Variants in BARD1 observed in about 807,000 individuals in gnomAD.
BARD1 encodes the protein BRCA1 associated RING domain 1.
Under a neutral mutation model 77.0 loss-of-function variants are expected in BARD1, and 73 were observed. The ratio of observed to expected loss-of-function variants is 0.95; its 90% CI spans 0.79 to 1.15. The LOEUF is 1.15. Ranked by LOEUF, BARD1 falls within the 50% of genes most tolerant of loss-of-function variation. BARD1 has a pLI of 0.00. For missense variants in BARD1, 993 were observed against 938.8 expected, an observed-to-expected ratio of 1.06 and a Z score of -0.75; for synonymous variants, 384 against 338.0, an observed-to-expected ratio of 1.14 and a Z score of -1.49.
At chr2:214,779,437 T>C (rs1410947332) in intron 4 of BARD1, among the ~76,000 whole-genome samples, 1 of 152,202 alleles carries the variant, frequency 6.6e-6, no homozygotes. Flanking sequence ...TTCTCCCAAA[T>C]ATTTTTGATT....
At chr2:214,760,918 G>A (rs1476882891) in intron 6 of BARD1, among the ~76,000 whole-genome samples, 2 of 151,366 alleles carry the variant, frequency 1.3e-5, no homozygotes, top group Non-Finnish European at 2.9e-5. Context: ...GGGACTACAG[G>A]CGCCCACCAC....
chr2:214,784,214 G>A (rs1193523655), intron 3 of BARD1, among the ~76,000 whole-genome samples: 7 of 151,970 alleles, frequency 4.6e-5, no homozygotes, highest in Non-Finnish European at 1.0e-4. Context: ...TCAAAAAGTG[G>A]GCGAAGGATA....
At chr2:214,783,274 GT>G (rs1428985424) in intron 3 of BARD1, among the ~76,000 whole-genome samples, 1 of 152,116 alleles carries the variant, frequency 6.6e-6, no homozygotes, top group East Asian at 1.9e-4. Context: ...ACTGTAGTAA[GT>G]TTAAGGAATT....
chr2:214,761,914 T>C (rs1335593164), intron 6 of BARD1, among the ~76,000 whole-genome samples: 1 of 152,204 alleles, frequency 6.6e-6, no homozygotes, highest in Admixed American at 6.5e-5. Context: ...TAGAAGTTAA[T>C]AAATGATAAT....
chr2:214,799,481 G>A (rs1292211130), intron 1 of BARD1, among the ~76,000 whole-genome samples: 1 of 152,108 alleles, frequency 6.6e-6, no homozygotes, highest in African/African-American at 2.4e-5. Context: ...ACTTAATGGT[G>A]TAAGTTTTTT....
chr2:214,751,147 A>AC (rs1693424708), intron 7 of BARD1, among the ~76,000 whole-genome samples: 1 of 21,196 alleles, frequency 4.7e-5, no homozygotes, highest in Non-Finnish European at 1.0e-4. Flanking sequence ...ATATATATAT[A>AC]TATATTTTTT....
Position 214,780,737 on chromosome 2 carries a change from T to C in BARD1, c.1137A>G (p.Lys379=), listed in dbSNP as rs1060501306. ...KRKVGGTSGR[K]NSNMSDEFIS... ...TGAATTCATCGGACATGTTACTGTT[T>C]TTCCTCCCTGATGTACCACCAACTT... is the stretch of plus-strand genomic sequence containing the variant. The change falls in exon 4 of 11, where the codon AAA becomes AAG. Residue 379 remains lysine, a synonymous_variant. Transcript: ENST00000260947. 6.2e-7 allele frequency: 1 copy of C among 1,614,082 alleles called. No individual in the cohort carries two copies. The highest frequency in any genetic ancestry group is 8.5e-7 in the Non-Finnish European group (1 of 1,179,984).
chr2:214,734,709 A>C (rs34066909), intron 9 of BARD1, among the ~76,000 whole-genome samples: 28,516 of 152,098 alleles, frequency 0.19, 3,233 homozygotes, highest in South Asian at 0.26. Context: ...TTCTGGTCAA[A>C]GGAGAAAAAG....
rs1319279354 is a variant in BARD1, at chr2:214,731,686, T to G, written c.1904-1178A>C. Among the ~76,000 whole-genome samples, 4 of 152,344 alleles carry G rather than the reference T, an allele frequency of 2.6e-5. No individual in the cohort carries two copies. In the South Asian group the frequency reaches 8.3e-4, roughly 32 times the overall value. Reference sequence around the variant, plus strand: ...AACAAACCCTCCATACAATTTCCTATTTGTCTTTGAGGTTGTTTTGCTCAA... The same window carrying G: ...AACAAACCCTCCATACAATTTCCTAGTTGTCTTTGAGGTTGTTTTGCTCAA... On this transcript the variant is annotated intron_variant, in intron 9 of 10. Coordinates refer to ENST00000260947, the MANE Select transcript of BARD1 (RefSeq NM_000465.4).
intron 3 of BARD1, among the ~76,000 whole-genome samples, chr2:214,789,857 C>T (rs550337363): frequency 3.0e-4 from 45 of 152,146 alleles, no homozygotes; most frequent in Middle Eastern, 6.8e-3. Flanking sequence ...GGGCGCAGTG[C>T]TTAAGTCTGG....
At chr2:214,803,149 A>G (rs1696102097) in intron 1 of BARD1, among the ~76,000 whole-genome samples, 1 of 150,746 alleles carries the variant, frequency 6.6e-6, no homozygotes, top group African/African-American at 2.5e-5. Flanking sequence ...AGTCATCACC[A>G]CTCCCTAATC....
chr2:214,760,701 T>A (rs1216528076), intron 6 of BARD1, among the ~76,000 whole-genome samples: 2 of 152,130 alleles, frequency 1.3e-5, no homozygotes, highest in Admixed American at 1.3e-4. Flanking sequence ...ACAGGAAAGT[T>A]ATAAAGTTAA....
chr2:214,777,008 G>T (rs933703400), intron 4 of BARD1, among the ~76,000 whole-genome samples: 1 of 152,112 alleles, frequency 6.6e-6, no homozygotes, highest in Non-Finnish European at 1.5e-5. Context: ...CTGGATCTCA[G>T]TCTTACCACA....
At position 214,728,959 on chromosome 2, in the gene BARD1, T is replaced by C. The variant is rs780161956; in HGVS notation, c.2051A>G (p.Lys684Arg). ...AATAAGGTTGTCCTTTGGATGGTGTTTGAAGGTTCCCCACAAATAGAAGTA... is the reference window on the plus strand; with the variant it reads ...AATAAGGTTGTCCTTTGGATGGTGTCTGAAGGTTCCCCACAAATAGAAGTA... The part of the protein sequence containing the change: ...GCYFYLWGTF[K>R]HHPKDNLIKL... Residue 684 changes from lysine to arginine, a missense_variant, in exon 11 of 11, where the codon AAA becomes AGA. By Grantham distance (26) the Lys-to-Arg change is conservative. Transcript: ENST00000260947. The C allele has an allele frequency of 5.0e-6, 8 of 1,614,022 alleles. No homozygotes were observed. The highest frequency in any genetic ancestry group is 2.2e-5 in the East Asian group (1 of 44,904).
chr2:214,805,579 A>C (rs1251073223), intron 1 of BARD1, among the ~76,000 whole-genome samples: 1 of 152,196 alleles, frequency 6.6e-6, no homozygotes, highest in Non-Finnish European at 1.5e-5. Context: ...CATCTTATGA[A>C]TATCCACTCA....
rs1353891748 is a variant in BARD1 at position 214,802,935 on chromosome 2, T to C, written c.159-5818A>G. Among the ~76,000 whole-genome samples, 5 of 152,208 alleles carry C rather than the reference T, an allele frequency of 3.3e-5. No homozygotes were observed. The South Asian group carries it at 6.2e-4, about 19-fold the overall frequency. ...AGATCAGATTGTTACTGTGTCTGTA[T>C]AGAAAGAAGTAGACATAGGAGACTC... is the stretch of plus-strand genomic sequence containing the variant. On this transcript the variant is annotated intron_variant, in intron 1 of 10. Transcript: ENST00000260947.
At chr2:214,800,464 A>G (rs548351800) in intron 1 of BARD1, among the ~76,000 whole-genome samples, 16 of 152,294 alleles carry the variant, frequency 1.1e-4, no homozygotes, top group African/African-American at 3.4e-4. Context: ...CTTGAGCCCA[A>G]GAGTTCAGGG....
intron 8 of BARD1, 67 bp downstream of exon 8, chr2:214,745,655 A>T: frequency 1.3e-6 from 2 of 1,551,086 alleles, no homozygotes; most frequent in East Asian, 2.2e-5. Flanking sequence ...TATCAAAGGT[A>T]GTTCTCCAAA....
At chr2:214,792,511 A>C (rs2106136084) in intron 2 of BARD1, 66 bp from the exon 3 acceptor site, 2 of 1,409,400 alleles carry the variant, frequency 1.4e-6, no homozygotes, top group Non-Finnish European at 1.9e-6. Flanking sequence ...CAAAAACTAA[A>C]CAGTTTGAAC....
Sources: gnomAD v4.1 joint callset for allele counts (sites outside exome capture counted in the v4.1 genomes callset) on GRCh38, gnomAD v4.1.1 for gene constraint, MANE v1.5 for transcripts, NCBI Gene and HGNC (gene_info 2026-07-23, HGNC 2026-07-21) for gene names.